The following GNPTAB variants were observed in gnomAD, a reference collection of about 807,000 sequenced individuals.
The protein encoded by GNPTAB is N-acetylglucosamine-1-phosphotransferase subunits alpha/beta.
In GNPTAB, 92 loss-of-function variants were observed where a neutral mutation model predicts 136.6. The ratio of observed to expected loss-of-function variants is 0.67; its 90% confidence interval spans 0.57 to 0.80. The LOEUF (loss-of-function observed/expected upper bound fraction) is 0.80. GNPTAB is among the 30% of genes least tolerant of loss of function. The pLI is 0.00. For synonymous variants in GNPTAB, 512 were observed against 535.1 expected, an observed-to-expected ratio of 0.96 and a Z score of 0.60; for missense variants, 1,343 against 1,501.8, an observed-to-expected ratio of 0.89 and a Z score of 1.75.
In GNPTAB at chr12:101,754,439, T is replaced by TA. The variant is rs200343344; in HGVS notation, c.3435-901dup. ...AAGCGAGACTCTGTCTCAAAAAGAT[T>TA]AAAAAAAAAAAATCAAAACCAAGTT... On this transcript the variant is annotated intron_variant, in intron 18 of 20. Transcript: ENST00000299314. 3.9e-3 allele frequency among the ~76,000 whole-genome samples: 551 copies of TA among 141,698 alleles called. 7 individuals carry two copies. The highest frequency in any genetic ancestry group is 0.012 in the African/African-American group (472 of 38,714). 93.0% of individuals were successfully genotyped at this position (141,698 alleles called of 152,430 possible).
chr12:101,826,944 GGAGTT>G, intron 1 of GNPTAB, among the ~76,000 whole-genome samples: 1 of 146,754 alleles, frequency 6.8e-6, no homozygotes, highest in African/African-American at 2.5e-5. Flanking sequence ...TCTCCCTGTG[GGAGTT>G]GTTTTTTTTT....
chr12:101,771,642 G>A (rs930848655), intron 7 of GNPTAB, among the ~76,000 whole-genome samples: 5 of 152,128 alleles, frequency 3.3e-5, no homozygotes, highest in Non-Finnish European at 5.9e-5. Flanking sequence ...AAAAATAGGC[G>A]TCTAAAAACA....
intron 1 of GNPTAB, among the ~76,000 whole-genome samples, chr12:101,807,658 A>T (rs1033709226): frequency 1.3e-5 from 2 of 152,200 alleles, no homozygotes; most frequent in Non-Finnish European, 2.9e-5. Context: ...AGGCCAGCAC[A>T]GTGGCTCACA....
Position 101,787,656 on chromosome 12 carries a change from T to C in GNPTAB, c.365+892A>G, listed in dbSNP as rs142926324. 2.8e-3 allele frequency among the ~76,000 whole-genome samples: 419 copies of C among 152,248 alleles called. 2 individuals are homozygous for C. In the Middle Eastern group the frequency reaches 0.037, roughly 14 times the overall value. ...GAGGCCGGATGCGGTGACTCACGCC[T>C]GTAATCCAGTACTTTGGGAGGCCGA... On this transcript the variant is annotated intron_variant, in intron 4 of 20. Coordinates refer to ENST00000299314, the MANE Select transcript of GNPTAB (RefSeq NM_024312.5).
chr12:101,796,435 G>A, intron 2 of GNPTAB: 1 of 634,658 alleles, frequency 1.6e-6, no homozygotes, highest in Non-Finnish European at 2.8e-6. Flanking sequence ...AATACTTCAT[G>A]AATTGGTGTG....
chr12:101,821,580 G>A (rs1870805358), intron 1 of GNPTAB, among the ~76,000 whole-genome samples: 3 of 152,152 alleles, frequency 2.0e-5, no homozygotes, highest in Admixed American at 2.0e-4. Context: ...TCCAAATCAT[G>A]GTAGAAAGGT....
intron 9 of GNPTAB, 57 bp downstream of exon 9, chr12:101,770,349 A>G: frequency 7.1e-7 from 1 of 1,418,210 alleles, no homozygotes; most frequent in Non-Finnish European, 1.0e-6. Context: ...TCCCTGTACC[A>G]CACTAAAAGA....
At chr12:101,812,651 C>T (rs190993059) in intron 1 of GNPTAB, among the ~76,000 whole-genome samples, 7 of 152,194 alleles carry the variant, frequency 4.6e-5, no homozygotes, top group Admixed American at 4.6e-4. Flanking sequence ...GTCTCAGCTA[C>T]TAAGGAGGCT....
chr12:101,780,709 G>T, intron 5 of GNPTAB, 88 bp from the exon 6 acceptor site: 1 of 910,404 alleles, frequency 1.1e-6, no homozygotes, highest in Non-Finnish European at 1.8e-6. Context: ...CATTCTGAGA[G>T]CTATTAAAGC....
chr12:101,766,529 T>C (rs1953097199), intron 11 of GNPTAB, among the ~76,000 whole-genome samples: 1 of 151,930 alleles, frequency 6.6e-6, no homozygotes, highest in African/African-American at 2.4e-5. Context: ...TCCCAACTAC[T>C]TGGGAGGCTG....
At chr12:101,800,507 C>T (rs1303754424) in intron 1 of GNPTAB, among the ~76,000 whole-genome samples, 2 of 151,214 alleles carry the variant, frequency 1.3e-5, no homozygotes, top group African/African-American at 4.9e-5. Flanking sequence ...GCCTGTAATC[C>T]CAGCACTTTG....
At chr12:101,808,102 G>A (rs1160306254) in intron 1 of GNPTAB, among the ~76,000 whole-genome samples, 1 of 152,102 alleles carries the variant, frequency 6.6e-6, no homozygotes, top group Non-Finnish European at 1.5e-5. Context: ...ACTACAGAAA[G>A]CCAATGGAAA....
chr12:101,791,361 C>G (rs1868976851), intron 2 of GNPTAB, among the ~76,000 whole-genome samples: 1 of 151,604 alleles, frequency 6.6e-6, no homozygotes, highest in Non-Finnish European at 1.5e-5. Context: ...TACTTTAGAT[C>G]AGCAGTGTCC....
At chr12:101,797,619 A>T (rs1212358993) in intron 1 of GNPTAB, among the ~76,000 whole-genome samples, 2 of 152,164 alleles carry the variant, frequency 1.3e-5, no homozygotes, top group African/African-American at 4.8e-5. Context: ...GCGAGACTTC[A>T]TCTCAAAAAA....
intron 1 of GNPTAB, among the ~76,000 whole-genome samples, chr12:101,822,273 T>C (rs7311082): frequency 0.64 from 97,362 of 151,878 alleles, 32,636 homozygotes; most frequent in East Asian, 0.92. Context: ...ATTAGCCGGG[T>C]GAGGTGGCGG....
intron 9 of GNPTAB, 37 bp from the exon 10 acceptor site, chr12:101,770,228 A>G: frequency 1.2e-6 from 2 of 1,608,102 alleles, no homozygotes; most frequent in Middle Eastern, 1.7e-4. Context: ...AGAGTGAATG[A>G]GAGCTGTTTG....
At chr12:101,767,871 G>A in intron 11 of GNPTAB, 166 bp downstream of exon 11, 1 of 810,680 alleles carries the variant, frequency 1.2e-6, no homozygotes, top group Non-Finnish European at 2.0e-6. Flanking sequence ...TCCCAGCTCA[G>A]CTTTGCAAAG....
Position 101,761,195 on chromosome 12 carries a change from C to G in GNPTAB, c.3067G>C (p.Gly1023Arg), listed in dbSNP as rs756336336. 2 of 1,613,936 alleles carry G rather than the reference C, an allele frequency of 1.2e-6. No individual in the cohort carries two copies. The highest frequency in any genetic ancestry group is 1.1e-5 in the South Asian group (1 of 91,076). The part of the protein sequence containing the change: ...VFDEVDTDQS[G>R]VLSDREIRTL... ...CGGATTTCTCTGTCAGACAAGACACCAGATTGATCTGTATCAACTTCATCA... is the reference window on the plus strand; with the variant it reads ...CGGATTTCTCTGTCAGACAAGACACGAGATTGATCTGTATCAACTTCATCA... Residue 1023 changes from glycine (G) to arginine (R), a missense_variant, in exon 15 of 21, where the codon GGT becomes CGT. Gly to Arg is a moderately radical substitution (Grantham distance 125). Coordinates refer to ENST00000299314, the MANE Select transcript of GNPTAB (RefSeq NM_024312.5).
intron 18 of GNPTAB, among the ~76,000 whole-genome samples, chr12:101,755,874 A>T (rs1303968509): frequency 6.6e-6 from 1 of 152,244 alleles, no homozygotes; most frequent in Non-Finnish European, 1.5e-5. Flanking sequence ...TTTAAGTACC[A>T]TGAAAATGTC....
Sources: allele counts gnomAD v4.1 joint callset (sites outside exome capture counted in the v4.1 genomes callset), GRCh38; gene constraint gnomAD v4.1.1; transcripts MANE v1.5; gene names NCBI Gene and HGNC (gene_info 2026-07-23, HGNC 2026-07-21).